CDKL3: variants seen among roughly 807,000 people sequenced by gnomAD.
CDKL3 encodes cyclin dependent kinase like 3, also known as cyclin-dependent kinase-like 3.
Under a neutral mutation model 69.3 loss-of-function variants are expected in CDKL3, and 65 were observed. That is an observed-to-expected ratio of 0.94 (90% CI 0.77 to 1.15). CDKL3 has a LOEUF of 1.15. Ranked by LOEUF, CDKL3 falls within the 50% of genes most tolerant of loss-of-function variation. The pLI is 0.00. For synonymous variants in CDKL3, 202 were observed against 221.6 expected (o/e 0.91, Z 0.79); for missense variants, 652 against 689.2 (o/e 0.95, Z 0.61).
intron 4 of CDKL3, among the ~76,000 whole-genome samples, chr5:134,340,749 G>A (rs541273881): frequency 6.6e-6 from 1 of 152,002 alleles, no homozygotes; most frequent in East Asian, 1.9e-4. Flanking sequence ...GAAAAGCCCA[G>A]GCCTAGATGA....
At chr5:134,290,481 G>T (rs924949002) in intron 8 of CDKL3, among the ~76,000 whole-genome samples, 3 of 152,050 alleles carry the variant, frequency 2.0e-5, no homozygotes, top group Non-Finnish European at 4.4e-5. Context: ...AGTTTCTAAG[G>T]CAGAAGCATA....
intron 8 of CDKL3, among the ~76,000 whole-genome samples, chr5:134,286,823 AAC>A (rs1181117658): frequency 1.3e-5 from 2 of 152,192 alleles, no homozygotes; most frequent in African/African-American, 4.8e-5. Context: ...TCCCTCCTAC[AAC>A]ACGTGGGAAT....
chr5:134,343,050 TA>T (rs1355180133), intron 4 of CDKL3, among the ~76,000 whole-genome samples: 3 of 151,848 alleles, frequency 2.0e-5, no homozygotes, highest in Non-Finnish European at 4.4e-5. Flanking sequence ...ACAAAAAATT[TA>T]AAAATTAGCC....
chr5:134,308,856 A>C, intron 7 of CDKL3, 129 bp from the exon 8 acceptor site: 2 of 780,430 alleles, frequency 2.6e-6, no homozygotes, highest in East Asian at 3.0e-5. Flanking sequence ...ACTATAATGC[A>C]TGTCAAGAGA....
chr5:134,366,917 G>A, intron 1 of CDKL3, 60 bp downstream of exon 1: 10 of 994,310 alleles, frequency 1.0e-5, no homozygotes, highest in Non-Finnish European at 1.2e-5. Flanking sequence ...TCAGGCCCAA[G>A]GTCCTAAAAA....
intron 4 of CDKL3, among the ~76,000 whole-genome samples, chr5:134,322,940 T>C (rs1003249066): frequency 6.6e-6 from 1 of 151,592 alleles, no homozygotes; most frequent in African/African-American, 2.4e-5. Context: ...GATCATGCCA[T>C]TGCACTCTAG....
chr5:134,321,688 T>C, intron 5 of CDKL3, 103 bp downstream of exon 5: 1 of 630,404 alleles, frequency 1.6e-6, no homozygotes, highest in South Asian at 2.2e-5. Flanking sequence ...AACAATATGC[T>C]TCCCTGTACT....
rs778812915 is a variant in CDKL3, at chr5:134,339,897, C to T, written c.539+10352G>A. 2.0e-4 allele frequency among the ~76,000 whole-genome samples: 31 copies of T among 152,048 alleles called. 1 individual carries two copies. The highest frequency in any genetic ancestry group is 3.8e-4 in the Non-Finnish European group (26 of 68,006). On this transcript the variant is annotated intron_variant, in intron 4 of 12. Coordinates refer to ENST00000265334, the MANE Select transcript of CDKL3 (RefSeq NM_001113575.2). ...GGGCACAGTAGCTCATTCCTTTAAT[C>T]TCAAAACTATGGGAAGCAGAGAGGT...
intron 3 of CDKL3, among the ~76,000 whole-genome samples, chr5:134,351,592 T>A (rs929879398): frequency 1.4e-5 from 2 of 142,446 alleles, no homozygotes; most frequent in Non-Finnish European, 3.2e-5. Flanking sequence ...GTGTCTGTAG[T>A]CCTACAGCCT....
At chr5:134,310,510 C>T (rs1410836151) in intron 7 of CDKL3, among the ~76,000 whole-genome samples, 5 of 151,450 alleles carry the variant, frequency 3.3e-5, no homozygotes, top group East Asian at 1.9e-4. Flanking sequence ...TTTTTTGAGA[C>T]GGAGTCTGGC....
At chr5:134,309,324 C>T (rs1321872835) in intron 7 of CDKL3, among the ~76,000 whole-genome samples, 2 of 152,120 alleles carry the variant, frequency 1.3e-5, no homozygotes, top group East Asian at 1.9e-4. Context: ...TCAGGTGATC[C>T]ACCTGCCTCG....
At chr5:134,366,655 A>G (rs528124682) in intron 1 of CDKL3, 111 bp from the exon 2 acceptor site, 4 of 723,102 alleles carry the variant, frequency 5.5e-6, no homozygotes, top group African/African-American at 1.9e-5. Context: ...ATATAGAGAC[A>G]TTAAAAAAAA....
chr5:134,319,341 A>C lies in CDKL3; in HGVS notation c.792+17T>G. 6.2e-6 allele frequency: 9 copies of C among 1,455,092 alleles called. No individual in the cohort carries two copies. The highest frequency in any genetic ancestry group is 8.2e-6 in the Non-Finnish European group (9 of 1,099,332). 90.1% of individuals were successfully genotyped at this position (1,455,092 alleles called of 1,614,324 possible). On this transcript the variant is annotated intron_variant, in intron 6 of 12. Transcript: ENST00000265334. ...CAAGACTCTGTCTCCGGGGGAGGAA[A>C]AAAAAAAAAAACATACATGAACTAT...
chr5:134,368,618 C>CAAAAAAA (rs11339001), upstream of CDKL3, among the ~76,000 whole-genome samples: 1 of 69,798 alleles, frequency 1.4e-5, no homozygotes. Context: ...GACTCCATCT[C>CAAAAAAA]AAAAAAAAAA....
chr5:134,355,235 G>GAAA (rs60153337), intron 3 of CDKL3, among the ~76,000 whole-genome samples: 12 of 74,448 alleles, frequency 1.6e-4, no homozygotes, highest in African/African-American at 2.6e-4. Flanking sequence ...TCTGTCTCAG[G>GAAA]AAAAAAAAAA....
At chr5:134,312,463 A>T in intron 6 of CDKL3, 83 bp from the exon 7 acceptor site, 4 of 737,690 alleles carry the variant, frequency 5.4e-6, no homozygotes, top group Non-Finnish European at 8.7e-6. Context: ...ACAAATTAAG[A>T]AGTAAGTAAT....
intron 3 of CDKL3, among the ~76,000 whole-genome samples, chr5:134,351,129 TA>T: frequency 6.6e-6 from 1 of 152,260 alleles, no homozygotes; most frequent in Non-Finnish European, 1.5e-5. Context: ...TTTCATAGCA[TA>T]AAAAAATGCC....
At chr5:134,358,620 TTTAC>T (rs1425664352) in intron 3 of CDKL3, among the ~76,000 whole-genome samples, 2 of 152,012 alleles carry the variant, frequency 1.3e-5, no homozygotes, top group East Asian at 1.9e-4. Context: ...ATTTATTTTA[TTTAC>T]TTACTTACAG....
In CDKL3 at chr5:134,304,433, T is replaced by C. The variant is rs1767194189; in HGVS notation, c.1593A>G (p.Ile531Met). The C allele has an allele frequency of 6.2e-7, 1 of 1,612,772 alleles. No individual in the cohort carries two copies. The highest frequency in any genetic ancestry group is 8.5e-7 in the Non-Finnish European group (1 of 1,179,468). ...EFHFPELPVT[I>M]QSKDTKGMEV... is the part of the protein sequence containing the mutation. The stretch of plus-strand genomic sequence containing the variant: ...CCATTCCTTTTGTATCTTTTGACTG[T>C]ATTGTGACAGGCAATTCTGGAAAAT... Residue 531 changes from isoleucine to methionine, a missense_variant, in exon 11 of 13, where the codon ATA becomes ATG. Coordinates refer to ENST00000265334, the MANE Select transcript of CDKL3 (RefSeq NM_001113575.2).
Sources: allele counts gnomAD v4.1 joint callset (sites outside exome capture counted in the v4.1 genomes callset), GRCh38; gene constraint gnomAD v4.1.1; transcripts MANE v1.5; gene names NCBI Gene and HGNC (gene_info 2026-07-23, HGNC 2026-07-21).